NRXN3: variants seen among roughly 807,000 people sequenced by gnomAD.
The protein encoded by NRXN3 is neurexin III.
A neutral mutation model predicts 137.6 loss-of-function variants in NRXN3; 32 were observed. The observed-to-expected ratio is 0.23, with a 90% CI of 0.18 to 0.31. NRXN3 has a LOEUF of 0.31. NRXN3 is among the 10% of genes least tolerant of loss of function. The pLI, the probability that NRXN3 is intolerant of heterozygous loss-of-function variation, is 1.00. For synonymous variants in NRXN3, 798 were observed against 784.5 expected, an observed-to-expected ratio of 1.02 and a Z score of -0.29; for missense variants, 1,574 against 2,062.5, an observed-to-expected ratio of 0.76 and a Z score of 4.59.
At chr14:79,365,254 C>T (rs957998557) in intron 15 of NRXN3, among the ~76,000 whole-genome samples, 1 of 151,850 alleles carries the variant, frequency 6.6e-6, no homozygotes, top group Non-Finnish European at 1.5e-5. Flanking sequence ...CACTGCAGAC[C>T]GAGAGCAGAA....
At chr14:78,495,610 T>TG in intron 4 of NRXN3, among the ~76,000 whole-genome samples, 1 of 152,192 alleles carries the variant, frequency 6.6e-6, no homozygotes, top group Middle Eastern at 3.4e-3. Context: ...TCAGGGAAGG[T>TG]GGGGGGTGAA....
At chr14:79,702,558 A>G (rs1409193182) in intron 19 of NRXN3, among the ~76,000 whole-genome samples, 1 of 151,988 alleles carries the variant, frequency 6.6e-6, no homozygotes, top group East Asian at 1.9e-4. Flanking sequence ...AGAGATTATA[A>G]TCTCTGGGAG....
intron 15 of NRXN3, among the ~76,000 whole-genome samples, chr14:79,146,378 G>A (rs1290282233): frequency 2.0e-5 from 3 of 152,192 alleles, no homozygotes; most frequent in Non-Finnish European, 4.4e-5. Context: ...TTGAGTGTAT[G>A]TATGGGAGGA....
intron 16 of NRXN3, among the ~76,000 whole-genome samples, chr14:79,480,406 G>C (rs1421885514): frequency 6.6e-6 from 1 of 152,126 alleles, no homozygotes; most frequent in Non-Finnish European, 1.5e-5. Context: ...TGTGAATGAC[G>C]TGGTTTTCCT....
At chr14:78,661,808 C>G (rs530165983) in intron 6 of NRXN3, among the ~76,000 whole-genome samples, 2 of 151,930 alleles carry the variant, frequency 1.3e-5, no homozygotes, top group East Asian at 3.9e-4. Flanking sequence ...CTTGATAGGG[C>G]TGTTGTATTG....
intron 10 of NRXN3, among the ~76,000 whole-genome samples, chr14:78,931,207 A>T (rs191974980): frequency 6.6e-6 from 1 of 152,120 alleles, no homozygotes; most frequent in Admixed American, 6.6e-5. Context: ...GATTATTTGG[A>T]TACAAAACTA....
intron 19 of NRXN3, among the ~76,000 whole-genome samples, chr14:79,746,270 G>C (rs1180554368): frequency 6.6e-6 from 1 of 152,122 alleles, no homozygotes; most frequent in South Asian, 2.1e-4. Flanking sequence ...CTCTCTAGGG[G>C]ACATGCCTAG....
At chr14:79,004,095 G>T (rs1025983451) in intron 15 of NRXN3, among the ~76,000 whole-genome samples, 1 of 152,142 alleles carries the variant, frequency 6.6e-6, no homozygotes, top group African/African-American at 2.4e-5. Context: ...CACATCTTAA[G>T]AATTTAGTTA....
At chr14:78,612,736 T>C (rs772860117) in intron 4 of NRXN3, among the ~76,000 whole-genome samples, 2 of 152,240 alleles carry the variant, frequency 1.3e-5, no homozygotes, top group African/African-American at 2.4e-5. Context: ...CTTTTCTGTC[T>C]GTAATGCTTT....
At chr14:78,940,739 C>T (rs1307161119) in intron 10 of NRXN3, among the ~76,000 whole-genome samples, 2 of 152,120 alleles carry the variant, frequency 1.3e-5, no homozygotes, top group East Asian at 1.9e-4. Flanking sequence ...AACGTTTTCC[C>T]CCAACTACCG....
At chr14:79,284,091 A>G (rs924568361) in intron 15 of NRXN3, among the ~76,000 whole-genome samples, 2 of 151,756 alleles carry the variant, frequency 1.3e-5, no homozygotes, top group Non-Finnish European at 2.9e-5. Context: ...GTGATTACAG[A>G]TATATAAATA....
chr14:79,274,930 T>C (rs2080042309), intron 15 of NRXN3, among the ~76,000 whole-genome samples: 1 of 152,252 alleles, frequency 6.6e-6, no homozygotes, highest in African/African-American at 2.4e-5. Context: ...TATACATTTA[T>C]ACAAGGATGC....
rs545444856 is a variant in NRXN3 at position 78,773,432 on chromosome 14, G to A, written c.2045-30188G>A. On this transcript the variant is annotated intron_variant, in intron 8 of 20. Coordinates refer to ENST00000335750, the MANE Select transcript of NRXN3 (RefSeq NM_001330195.2). Reference sequence around the variant, plus strand: ...GCTGCATGGAGCTGCCTACCAGCCAGAACCTGCTAATTCTTATTTTATGGA... The same window carrying A: ...GCTGCATGGAGCTGCCTACCAGCCAAAACCTGCTAATTCTTATTTTATGGA... 3.1e-4 allele frequency among the ~76,000 whole-genome samples: 47 copies of A among 152,250 alleles called. 1 individual carries two copies. In the South Asian group the frequency reaches 9.6e-3, roughly 31 times the overall value.
chr14:78,620,512 C>G (rs752328387), intron 4 of NRXN3, among the ~76,000 whole-genome samples: 2 of 152,144 alleles, frequency 1.3e-5, no homozygotes, highest in African/African-American at 4.8e-5. Context: ...CCACATAGAA[C>G]AGCAGATATG....
At chr14:79,029,552 T>C (rs1396480000) in intron 15 of NRXN3, among the ~76,000 whole-genome samples, 1 of 152,154 alleles carries the variant, frequency 6.6e-6, no homozygotes, top group East Asian at 1.9e-4. Context: ...GATAATAGAA[T>C]GCAGGACAGT....
chr14:79,334,317 G>A (rs1023386609), intron 15 of NRXN3, among the ~76,000 whole-genome samples: 1 of 152,188 alleles, frequency 6.6e-6, no homozygotes, highest in African/African-American at 2.4e-5. Context: ...TGCTATTTTG[G>A]GTGGAGAAGG....
intron 15 of NRXN3, among the ~76,000 whole-genome samples, chr14:79,209,400 T>C (rs77360322): frequency 0.028 from 4,242 of 152,170 alleles, 140 homozygotes; most frequent in East Asian, 0.096. Flanking sequence ...TGCACTGCTA[T>C]GTAATTACTA....
rs554244962 is a variant in NRXN3 at position 78,941,457 on chromosome 14, G to C, written c.2276-15785G>C. On this transcript the variant is annotated intron_variant, in intron 10 of 20. Coordinates refer to ENST00000335750, the MANE Select transcript of NRXN3 (RefSeq NM_001330195.2). ...CCACCCCCATTCTCACCCAGTCTAA[G>C]TATCAGTTCCAAGAAGCATTTCTAG... Among the ~76,000 whole-genome samples the C allele has an allele frequency of 2.0e-5, 3 of 152,276 alleles. No homozygotes were observed. In the South Asian group the frequency reaches 6.2e-4, roughly 32 times the overall value.
At chr14:79,652,648 C>G (rs771497351) in intron 16 of NRXN3, among the ~76,000 whole-genome samples, 1 of 152,106 alleles carries the variant, frequency 6.6e-6, no homozygotes, top group Non-Finnish European at 1.5e-5. Context: ...GTATGGTGGA[C>G]TCTTTTCAAA....
Sources: allele counts gnomAD v4.1 joint callset (sites outside exome capture counted in the v4.1 genomes callset), GRCh38; gene constraint gnomAD v4.1.1; transcripts MANE v1.5; gene names NCBI Gene and HGNC (gene_info 2026-07-23, HGNC 2026-07-21).